FER1L6: variants seen among roughly 807,000 people sequenced by gnomAD.
FER1L6 encodes the protein fer-1 like family member 6, also known as fer-1-like protein 6.
Under a neutral mutation model 219.2 loss-of-function variants are expected in FER1L6, and 177 were observed. The observed-to-expected ratio is 0.81, with a 90% CI of 0.71 to 0.91. FER1L6 has a LOEUF of 0.91. Among genes scored for constraint, FER1L6 ranks in the 40% least tolerant of loss-of-function variants. The pLI is 0.00. For synonymous variants in FER1L6, 768 were observed against 824.3 expected (o/e 0.93, Z 1.17); for missense variants, 2,153 against 2,259.9 (o/e 0.95, Z 0.96).
chr8:124,104,227 T>G (rs1822667611), intron 39 of FER1L6, among the ~76,000 whole-genome samples: 1 of 152,228 alleles, frequency 6.6e-6, no homozygotes, highest in African/African-American at 2.4e-5. Flanking sequence ...CCATTCCCCC[T>G]CAAGTAGTTA....
chr8:124,021,367 A>T (rs7819813), intron 16 of FER1L6, among the ~76,000 whole-genome samples, 183 bp from the exon 17 acceptor site: 20 of 151,772 alleles, frequency 1.3e-4, no homozygotes, highest in Non-Finnish European at 2.6e-4. Flanking sequence ...ATGATATTAC[A>T]GCCTCCATAA....
Position 124,057,052 on chromosome 8 carries a change from A to T in FER1L6, c.2875-3128A>T, listed in dbSNP as rs138101108. Among the ~76,000 whole-genome samples, 595 of 152,220 alleles carry T rather than the reference A, an allele frequency of 3.9e-3. 2 individuals carry two copies. The highest frequency in any genetic ancestry group is 0.01 in the Middle Eastern group (3 of 294). On this transcript the variant is annotated intron_variant, in intron 22 of 40. Coordinates refer to ENST00000522917, the MANE Select transcript of FER1L6 (RefSeq NM_001039112.2). ...GAGTGAGACTGTCTCAAAAAAACAAAAAAACAAAAACAAAAAACCTTCCAG... is the reference window on the plus strand; with the variant it reads ...GAGTGAGACTGTCTCAAAAAAACAATAAAACAAAAACAAAAAACCTTCCAG...
intron 1 of FER1L6, among the ~76,000 whole-genome samples, chr8:123,934,183 G>A (rs894509421): frequency 1.3e-5 from 2 of 152,118 alleles, no homozygotes; most frequent in Non-Finnish European, 2.9e-5. Flanking sequence ...GCGCCACGTC[G>A]ATCTCAGTTC....
chr8:124,099,509 T>C (rs965457191), intron 37 of FER1L6, among the ~76,000 whole-genome samples: 1 of 152,158 alleles, frequency 6.6e-6, no homozygotes, highest in Non-Finnish European at 1.5e-5. Flanking sequence ...CTGTTCATCC[T>C]CTCCATCTTC....
chr8:123,923,294 G>T (rs1362546586), intron 1 of FER1L6, among the ~76,000 whole-genome samples: 55 of 152,174 alleles, frequency 3.6e-4, no homozygotes, highest in Admixed American at 3.6e-3. Context: ...ACAGAGAGGC[G>T]AATGAAGCAA....
At chr8:123,878,918 G>T (rs1817058237) in intron 1 of FER1L6, among the ~76,000 whole-genome samples, 1 of 152,212 alleles carries the variant, frequency 6.6e-6, no homozygotes, top group Admixed American at 6.5e-5. Context: ...TCCATGGCCT[G>T]TGCTAGGCTC....
At position 124,076,376 on chromosome 8, in the gene FER1L6, G is replaced by C. The variant is rs566719891; in HGVS notation, c.4220+51G>C. On this transcript the variant is annotated intron_variant, in intron 32 of 40. Transcript: ENST00000522917. ...TATTGTCCTTTCTGCATTTGCTCCTGCTGTGTTTCTGTGGGGATAGTGCGT... is the reference window on the plus strand; with the variant it reads ...TATTGTCCTTTCTGCATTTGCTCCTCCTGTGTTTCTGTGGGGATAGTGCGT... 3 of 1,579,842 alleles carry C rather than the reference G, an allele frequency of 1.9e-6. No homozygotes were observed. In the East Asian group the frequency reaches 6.7e-5, roughly 35 times the overall value.
chr8:123,981,095 G>T (rs1816308426), intron 11 of FER1L6, among the ~76,000 whole-genome samples: 1 of 152,192 alleles, frequency 6.6e-6, no homozygotes, highest in African/African-American at 2.4e-5. Flanking sequence ...GAGTTGGTGG[G>T]AGTGGGTGGT....
intron 32 of FER1L6, 108 bp from the exon 33 acceptor site, chr8:124,082,180 T>G (rs1821583190): frequency 1.3e-6 from 1 of 781,454 alleles, no homozygotes; most frequent in African/African-American, 1.7e-5. Flanking sequence ...AGTTGCTGAG[T>G]GTTTAATGAG....
chr8:124,005,928 T>G (rs1817635609), intron 13 of FER1L6, among the ~76,000 whole-genome samples: 1 of 152,220 alleles, frequency 6.6e-6, no homozygotes, highest in African/African-American at 2.4e-5. Flanking sequence ...TTTTTGAGCA[T>G]TCCCTGAATT....
At chr8:123,972,570 G>A (rs1297361387) in intron 6 of FER1L6, among the ~76,000 whole-genome samples, 1 of 152,158 alleles carries the variant, frequency 6.6e-6, no homozygotes, top group African/African-American at 2.4e-5. Context: ...TAGGGAGGTC[G>A]CTACCTCTAG....
chr8:123,977,864 T>C (rs1160498565), intron 10 of FER1L6, among the ~76,000 whole-genome samples: 1 of 152,172 alleles, frequency 6.6e-6, no homozygotes, highest in Non-Finnish European at 1.5e-5. Flanking sequence ...GTTCATAGTA[T>C]GGTTTGTACT....
intron 1 of FER1L6, chr8:123,924,968 T>C (rs1463727765): frequency 6.6e-6 from 1 of 152,254 alleles, no homozygotes; most frequent in Non-Finnish European, 1.5e-5. Flanking sequence ...AAACTTGTGA[T>C]CTTGATCCAG....
chr8:124,023,903 T>G (rs1228543622), intron 18 of FER1L6, among the ~76,000 whole-genome samples: 1 of 150,390 alleles, frequency 6.6e-6, no homozygotes, highest in Admixed American at 6.6e-5. Context: ...CCTTAAGGTT[T>G]TTTTTTTTTT....
intron 14 of FER1L6, among the ~76,000 whole-genome samples, chr8:124,011,768 A>G (rs899432549): frequency 1.3e-5 from 2 of 151,920 alleles, no homozygotes; most frequent in African/African-American, 4.8e-5. Context: ...GATAGGCATG[A>G]GCCATTGTGC....
rs770564902 is a variant in FER1L6 at position 124,119,577 on chromosome 8, C to CT, written c.5391-25dup. 21 of 1,495,918 alleles carry CT rather than the reference C, an allele frequency of 1.4e-5. No homozygotes were observed. In the African/African-American group the frequency reaches 1.5e-4, roughly 11 times the overall value. The allele number at this position is 1,495,918 out of a possible 1,614,324, so 92.7% of individuals were successfully genotyped here. On this transcript the variant is annotated intron_variant, in intron 40 of 40. Coordinates refer to ENST00000522917, the MANE Select transcript of FER1L6 (RefSeq NM_001039112.2). ...ATTCTGAGTGTTGACAGGATGCCCC[C>CT]TTTTTGATTTTCTCTTCCTTCCCCC...
intron 19 of FER1L6, among the ~76,000 whole-genome samples, chr8:124,036,972 G>A (rs1819244045): frequency 6.6e-6 from 1 of 152,214 alleles, no homozygotes; most frequent in Non-Finnish European, 1.5e-5. Context: ...ACATAGAGAT[G>A]AGTGAGAGGT....
intron 20 of FER1L6, among the ~76,000 whole-genome samples, chr8:124,041,035 A>G (rs778335780): frequency 4.6e-5 from 7 of 152,256 alleles, no homozygotes; most frequent in Non-Finnish European, 8.8e-5. Flanking sequence ...CCTAATCAGC[A>G]AAAATCCAGT....
rs183287670 is a variant in FER1L6 at position 124,096,116 on chromosome 8, C to T, written c.4695+1078C>T. On this transcript the variant is annotated intron_variant, in intron 35 of 40. Transcript: ENST00000522917. ...CCTAGTGATTGCACGTGTGGACGACCGCGTTGAGAGGGTAAACCATTATCA... is the reference window on the plus strand; with the variant it reads ...CCTAGTGATTGCACGTGTGGACGACTGCGTTGAGAGGGTAAACCATTATCA... 8.5e-5 allele frequency among the ~76,000 whole-genome samples: 13 copies of T among 152,212 alleles called. No individual in the cohort carries two copies. In the East Asian group the frequency reaches 1.4e-3, roughly 16 times the overall value.
Sources: allele counts gnomAD v4.1 joint callset (sites outside exome capture counted in the v4.1 genomes callset), GRCh38; gene constraint gnomAD v4.1.1; transcripts MANE v1.5; gene names NCBI Gene and HGNC (gene_info 2026-07-23, HGNC 2026-07-21).